The following XPNPEP3 variants were observed in gnomAD, a reference collection of about 807,000 sequenced individuals.
The protein encoded by XPNPEP3 is xaa-Pro aminopeptidase 3.
In XPNPEP3, 41 loss-of-function variants were observed where a neutral mutation model predicts 60.0. The observed-to-expected ratio is 0.68, with a 90% CI of 0.53 to 0.89. The LOEUF is 0.89. Ranked by LOEUF, XPNPEP3 falls within the 40% of genes least tolerant of loss-of-function variation. The pLI, the probability that XPNPEP3 is intolerant of heterozygous loss-of-function variation, is 0.00. For synonymous variants in XPNPEP3, 212 were observed against 223.2 expected (o/e 0.95, Z 0.45); for missense variants, 598 against 638.9 (o/e 0.94, Z 0.69).
chr22:40,866,099 A>G (rs9611427), intron 1 of XPNPEP3, among the ~76,000 whole-genome samples: 5,050 of 152,272 alleles, frequency 0.033, 123 homozygotes, highest in Non-Finnish European at 0.055. Context: ...TGGTACAACC[A>G]TTTATTCACT....
intron 4 of XPNPEP3, among the ~76,000 whole-genome samples, chr22:40,897,777 C>T (rs1296484440): frequency 6.6e-6 from 1 of 152,106 alleles, no homozygotes; most frequent in African/African-American, 2.4e-5. Flanking sequence ...GAGTACTAGC[C>T]ATCTTAATGA....
intron 2 of XPNPEP3, among the ~76,000 whole-genome samples, chr22:40,876,101 G>A (rs1330664485): frequency 6.6e-6 from 1 of 152,116 alleles, no homozygotes; most frequent in Non-Finnish European, 1.5e-5. Context: ...GAAACTCTCT[G>A]AGGTAAAGAT....
intron 1 of XPNPEP3, among the ~76,000 whole-genome samples, chr22:40,857,737 G>A (rs934349110): frequency 5.9e-5 from 9 of 152,238 alleles, no homozygotes; most frequent in Non-Finnish European, 1.0e-4. Flanking sequence ...CGAAGGATAA[G>A]GAGAATAATT....
intron 4 of XPNPEP3, among the ~76,000 whole-genome samples, chr22:40,891,469 A>G (rs901600573): frequency 2.6e-5 from 4 of 151,404 alleles, no homozygotes; most frequent in African/African-American, 7.3e-5. Context: ...CCTGGCCTAT[A>G]TGGTGAAACC....
chr22:40,892,677 A>G (rs1480904218), intron 4 of XPNPEP3, among the ~76,000 whole-genome samples: 1 of 152,198 alleles, frequency 6.6e-6, no homozygotes, highest in Non-Finnish European at 1.5e-5. Flanking sequence ...TACTACAACT[A>G]GAAAATAAAT....
chr22:40,885,963 C>G (rs1222379670), intron 3 of XPNPEP3, among the ~76,000 whole-genome samples: 1 of 152,018 alleles, frequency 6.6e-6, no homozygotes, highest in Non-Finnish European at 1.5e-5. Context: ...GCCTGGGCAA[C>G]AGAGCAAGAC....
chr22:40,905,336 C>T (rs1338834671), intron 4 of XPNPEP3, among the ~76,000 whole-genome samples: 1 of 152,086 alleles, frequency 6.6e-6, no homozygotes, highest in Non-Finnish European at 1.5e-5. Context: ...GCCTCGGCCG[C>T]CTGAAGTGCT....
chr22:40,909,741 C>G (rs2058170219), intron 6 of XPNPEP3, among the ~76,000 whole-genome samples: 1 of 151,834 alleles, frequency 6.6e-6, no homozygotes, highest in Admixed American at 6.6e-5. Flanking sequence ...CTCCAGTGCT[C>G]CAGCCTGGGC....
chr22:40,915,484 C>T (rs932889508), intron 7 of XPNPEP3, among the ~76,000 whole-genome samples: 1 of 149,310 alleles, frequency 6.7e-6, no homozygotes, highest in Non-Finnish European at 1.5e-5. Context: ...ACCCAGGGGA[C>T]GGAAGTTGCA....
In XPNPEP3 at chr22:40,922,383, G is replaced by C; in HGVS notation, c.1106G>C (p.Arg369Thr). 1 of 1,613,844 alleles carries C rather than the reference G, an allele frequency of 6.2e-7. No individual in the cohort carries two copies. Among genetic ancestry groups the C allele is most frequent in the South Asian group, 1.1e-5 (1 of 91,068 alleles). ...ELYEAVLEIQ[R>T]DCLALCFPGT... is the part of the protein sequence containing the mutation. ...TATGAAGCCGTTCTAGAGATCCAAA[G>C]AGATTGTTTGGCCCTCTGCTTCCCT... Residue 369 changes from arginine to threonine, a missense_variant, in exon 8 of 10, where the codon AGA becomes ACA. Arg to Thr is a moderately conservative substitution (Grantham distance 71). Coordinates refer to ENST00000357137, the MANE Select transcript of XPNPEP3 (RefSeq NM_022098.4).
chr22:40,873,841 C>T (rs539937967), intron 2 of XPNPEP3, among the ~76,000 whole-genome samples: 88 of 151,910 alleles, frequency 5.8e-4, no homozygotes, highest in Non-Finnish European at 1.1e-3. Context: ...AATATAATGG[C>T]AGAGACAGTA....
At position 40,931,806 on chromosome 22, in the gene XPNPEP3, T is replaced by C. The variant is rs1038670685; in HGVS notation, c.*5371T>C. On this transcript the variant is annotated 3_prime_UTR_variant, in exon 10 of 10. Transcript: ENST00000357137. ...TGCTTCTGAGAGTAACTTAAAGTAC[T>C]GTGTGTGCATCTTCCTTCAAAACCT... 3.3e-5 allele frequency: 5 copies of C among 152,326 alleles called. No homozygotes were observed. In the East Asian group the frequency reaches 7.7e-4, roughly 23 times the overall value. The allele number at this position is 152,326 out of a possible 1,614,324, so 9.4% of individuals were successfully genotyped here. A position where few individuals can be genotyped will look rare whatever the true frequency, so the allele number is the denominator to read the frequency against.
intron 1 of XPNPEP3, chr22:40,861,189 C>A (rs770631303): frequency 6.2e-7 from 1 of 1,613,936 alleles, no homozygotes; most frequent in African/African-American, 1.3e-5. Context: ...CCAAGATATA[C>A]CTCCCTCATC....
intron 2 of XPNPEP3, among the ~76,000 whole-genome samples, chr22:40,873,993 T>C (rs1194784025): frequency 6.6e-6 from 1 of 152,178 alleles, no homozygotes; most frequent in Non-Finnish European, 1.5e-5. Flanking sequence ...TGTAGCCGTC[T>C]CTTGAGCAAG....
chr22:40,862,183 T>C (rs2057954324), intron 1 of XPNPEP3: 3 of 1,398,920 alleles, frequency 2.1e-6, no homozygotes, highest in Non-Finnish European at 1.9e-6. Flanking sequence ...GTTACAAATA[T>C]GTCAGAGAGG....
chr22:40,903,874 TCA>T (rs10560459), intron 4 of XPNPEP3, among the ~76,000 whole-genome samples: 58,430 of 145,636 alleles, frequency 0.4, 11,903 homozygotes, highest in Admixed American at 0.55. Context: ...TCTCTCTCTG[TCA>T]CACACACACA....
intron 4 of XPNPEP3, among the ~76,000 whole-genome samples, chr22:40,901,369 G>A (rs2058132259): frequency 6.6e-6 from 1 of 151,540 alleles, no homozygotes; most frequent in Admixed American, 6.6e-5. Context: ...CAAGTAGCTG[G>A]GAATACAGGC....
intron 1 of XPNPEP3, among the ~76,000 whole-genome samples, chr22:40,858,498 A>G (rs1360754141): frequency 6.7e-6 from 1 of 150,332 alleles, no homozygotes; most frequent in East Asian, 2.0e-4. Flanking sequence ...TAAGCGTTGC[A>G]ATCGTTTAGT....
At chr22:40,903,117 T>C (rs1184018336) in intron 4 of XPNPEP3, among the ~76,000 whole-genome samples, 8 of 152,180 alleles carry the variant, frequency 5.3e-5, no homozygotes, top group Non-Finnish European at 1.2e-4. Flanking sequence ...GCTCTGAAAC[T>C]CCCTGCAACA....
Sources: allele counts gnomAD v4.1 joint callset (sites outside exome capture counted in the v4.1 genomes callset), GRCh38; gene constraint gnomAD v4.1.1; transcripts MANE v1.5; gene names NCBI Gene and HGNC (gene_info 2026-07-23, HGNC 2026-07-21).